The following SPAG17 variants were observed in gnomAD, a reference collection of about 807,000 sequenced individuals.
The protein encoded by SPAG17 is sperm-associated antigen 17.
In SPAG17, 169 loss-of-function variants were observed where a neutral mutation model predicts 273.6. That is an observed-to-expected ratio of 0.62 (90% confidence interval 0.55 to 0.70). The LOEUF (loss-of-function observed/expected upper bound fraction) is 0.70. Among genes scored for constraint, SPAG17 ranks in the 30% least tolerant of loss-of-function variants. SPAG17 has a pLI of 0.00. For synonymous variants in SPAG17, 825 were observed against 873.2 expected (o/e 0.94, Z 0.97); for missense variants, 2,557 against 2,627.8 (o/e 0.97, Z 0.59).
chr1:118,041,477 G>C (rs2101929051), intron 21 of SPAG17, among the ~76,000 whole-genome samples: 1 of 152,044 alleles, frequency 6.6e-6, no homozygotes, highest in African/African-American at 2.4e-5. Context: ...CTCATCATCT[G>C]AGACAGATAA....
chr1:117,959,002 G>T (rs374145170), intron 48 of SPAG17: 2 of 1,613,388 alleles, frequency 1.2e-6, no homozygotes, highest in African/African-American at 2.7e-5. Context: ...AGCCAAGTCC[G>T]GGTAAGTGTC....
intron 1 of SPAG17, among the ~76,000 whole-genome samples, chr1:118,159,685 G>A (rs1178740524): frequency 6.6e-6 from 1 of 152,194 alleles, no homozygotes; most frequent in East Asian, 1.9e-4. Flanking sequence ...GGCTTAGGCT[G>A]TTTGATTGTT....
chr1:117,979,087 TC>T, intron 43 of SPAG17, among the ~76,000 whole-genome samples: 1 of 152,262 alleles, frequency 6.6e-6, no homozygotes, highest in African/African-American at 2.4e-5. Flanking sequence ...CAGGCTGGTC[TC>T]AAACTCTTGA....
intron 48 of SPAG17, chr1:117,959,866 A>AC: frequency 6.5e-6 from 1 of 153,528 alleles, no homozygotes; most frequent in East Asian, 1.9e-4. Flanking sequence ...TATTGAGACA[A>AC]CCAGGTGCAT....
chr1:118,148,584 A>G (rs1485793896), intron 3 of SPAG17, among the ~76,000 whole-genome samples: 1 of 152,166 alleles, frequency 6.6e-6, no homozygotes, highest in African/African-American at 2.4e-5. Context: ...ACAATCCTCT[A>G]GCTAGACACA....
At position 117,987,876 on chromosome 1, in the gene SPAG17, G is replaced by A. The variant is rs1557871008; in HGVS notation, c.5627C>T (p.Thr1876Ile). 2 of 1,611,340 alleles carry A rather than the reference G, an allele frequency of 1.2e-6. No homozygotes were observed. Among genetic ancestry groups the A allele is most frequent in the South Asian group, 1.1e-5 (1 of 91,034 alleles). The change falls in exon 40 of 49, where the codon ACA (threonine) becomes ATA (isoleucine). Residue 1876 changes from threonine to isoleucine, a missense_variant. Physicochemically the swap from Thr to Ile is moderately conservative, Grantham distance 89. Coordinates refer to ENST00000336338, the MANE Select transcript of SPAG17 (RefSeq NM_206996.4). ...KDFFEKTWRH[T>I]ASSKRWKEKI... ...TTCTTTCCAGCGTTTTGAGGATGCT[G>A]TGTGTCTATGTGAAAGGAAAGGAAA...
chr1:118,138,140 C>T (rs1262874296), intron 3 of SPAG17, among the ~76,000 whole-genome samples: 2 of 152,160 alleles, frequency 1.3e-5, no homozygotes, highest in Non-Finnish European at 2.9e-5. Flanking sequence ...TGAGGTCAGC[C>T]ACAGAGCTCA....
intron 48 of SPAG17, chr1:117,959,045 C>T: frequency 3.8e-6 from 6 of 1,578,078 alleles, no homozygotes; most frequent in Non-Finnish European, 5.2e-6. Context: ...AGGCAAATTC[C>T]TAGTGTGATT....
At position 118,041,831 on chromosome 1, in the gene SPAG17, T is replaced by C. The variant is rs747376132; in HGVS notation, c.3026A>G (p.His1009Arg). ...GTAAGTTATCTTAGGTTCTGGTTGGTGGGGGGACTCTTCTGTTACTTCTTG... is the reference window on the plus strand; with the variant it reads ...GTAAGTTATCTTAGGTTCTGGTTGGCGGGGGGACTCTTCTGTTACTTCTTG... The part of the protein sequence containing the change: ...KIQEVTEESP[H>R]QPEPKITYPF... The change falls in exon 21 of 49, where the codon CAC becomes CGC. Residue 1009 changes from histidine to arginine, a missense_variant. By Grantham distance (29) the His-to-Arg change is conservative (BLOSUM62 0). Transcript: ENST00000336338. 6 of 1,613,346 alleles carry C rather than the reference T, an allele frequency of 3.7e-6. No individual in the cohort carries two copies. The African/African-American group carries it at 4.0e-5, about 11-fold the overall frequency.
At chr1:117,996,060 C>T (rs1237433170) in intron 34 of SPAG17, among the ~76,000 whole-genome samples, 1 of 151,980 alleles carries the variant, frequency 6.6e-6, no homozygotes, top group African/African-American at 2.4e-5. Flanking sequence ...ATGAAATGAA[C>T]TCATAAATCA....
At chr1:117,970,713 C>T (rs1168333400) in intron 45 of SPAG17, among the ~76,000 whole-genome samples, 1 of 152,158 alleles carries the variant, frequency 6.6e-6, no homozygotes, top group African/African-American at 2.4e-5. Context: ...GAAAGCCTGC[C>T]TCCACTCTGA....
At chr1:118,133,792 A>C (rs1658190415) in intron 3 of SPAG17, among the ~76,000 whole-genome samples, 1 of 152,134 alleles carries the variant, frequency 6.6e-6, no homozygotes, top group South Asian at 2.1e-4. Flanking sequence ...TGTATTATTC[A>C]CAGCACCTAA....
intron 5 of SPAG17, among the ~76,000 whole-genome samples, 183 bp from the exon 6 acceptor site, chr1:118,099,983 C>T (rs574714510): frequency 1.5e-4 from 23 of 152,254 alleles, no homozygotes; most frequent in South Asian, 6.2e-4. Context: ...TCCAGTAAGA[C>T]GGCTGTGACT....
At chr1:117,956,422 A>G (rs1479704822) in intron 48 of SPAG17, among the ~76,000 whole-genome samples, 1 of 152,256 alleles carries the variant, frequency 6.6e-6, no homozygotes, top group Non-Finnish European at 1.5e-5. Flanking sequence ...CCTTACAAGA[A>G]ACAACACTTG....
intron 3 of SPAG17, among the ~76,000 whole-genome samples, chr1:118,128,330 C>T (rs574025568): frequency 1.8e-4 from 28 of 152,148 alleles, no homozygotes; most frequent in Non-Finnish European, 2.8e-4. Context: ...TGTATAAAAT[C>T]GTGTCGACTG....
rs1447668233 is a variant in SPAG17 at position 118,025,259 on chromosome 1, A to G, written c.3888T>C (p.Tyr1296=). ...TTACCTGTGTGGATCCATCCAACAT[A>G]TATTTGACAACAGTGCCTTGACTGG... ...VITSQGTVVK[Y]MLDGSTQILF... The change falls in exon 27 of 49, where the codon TAT becomes TAC. Residue 1296 remains tyrosine (Y), a synonymous_variant. Coordinates refer to ENST00000336338, the MANE Select transcript of SPAG17 (RefSeq NM_206996.4). 6.2e-7 allele frequency: 1 copy of G among 1,613,214 alleles called. No individual in the cohort carries two copies. The highest frequency in any genetic ancestry group is 8.5e-7 in the Non-Finnish European group (1 of 1,179,666).
chr1:118,032,479 T>G (rs1007911933), intron 24 of SPAG17, among the ~76,000 whole-genome samples: 2 of 152,066 alleles, frequency 1.3e-5, no homozygotes, highest in Non-Finnish European at 2.9e-5. Context: ...GAATTTTATT[T>G]TCCTCTAGGT....
intron 23 of SPAG17, among the ~76,000 whole-genome samples, chr1:118,038,054 C>T (rs1481474071): frequency 1.3e-5 from 2 of 152,050 alleles, no homozygotes; most frequent in African/African-American, 2.4e-5. Context: ...GACTATTACT[C>T]AAAATGTATG....
intron 35 of SPAG17, 81 bp from the exon 36 acceptor site, chr1:117,992,729 T>G: frequency 1.7e-6 from 2 of 1,210,110 alleles, no homozygotes; most frequent in Admixed American, 3.2e-5. Flanking sequence ...TGTTCATTTA[T>G]TACATAGATA....
Sources: allele counts gnomAD v4.1 joint callset (sites outside exome capture counted in the v4.1 genomes callset), GRCh38; gene constraint gnomAD v4.1.1; transcripts MANE v1.5; gene names NCBI Gene and HGNC (gene_info 2026-07-23, HGNC 2026-07-21).